Variants in THBS4 observed in about 807,000 individuals in gnomAD.
THBS4 encodes thrombospondin-4.
THBS4 carries 90 observed loss-of-function variants against 115.7 expected under a neutral mutation model. The ratio of observed to expected loss-of-function variants is 0.78; its 90% CI spans 0.66 to 0.93. The LOEUF is 0.93. THBS4 is among the 40% of genes least tolerant of loss of function. The probability of loss-of-function intolerance (pLI) is 0.00; values close to 1 mark genes in which losing one functional copy is unlikely to be tolerated. For missense variants in THBS4, 1,087 were observed against 1,232.7 expected, an observed-to-expected ratio of 0.88 and a Z score of 1.77; for synonymous variants, 460 against 479.3, an observed-to-expected ratio of 0.96 and a Z score of 0.53.
intron 20 of THBS4, chr5:80,080,291 T>C: frequency 3.5e-6 from 2 of 574,244 alleles, no homozygotes. Context: ...AGGACCAAGA[T>C]GGGGATAGAA....
chr5:80,071,322 A>G, intron 13 of THBS4, 142 bp downstream of exon 13: 1 of 1,421,466 alleles, frequency 7.0e-7, no homozygotes, highest in Non-Finnish European at 9.2e-7. Flanking sequence ...GGAAGACCCA[A>G]GGTGGACTTG....
chr5:80,001,749 A>G (rs1831902695), intron 2 of THBS4, among the ~76,000 whole-genome samples: 1 of 152,218 alleles, frequency 6.6e-6, no homozygotes, highest in Admixed American at 6.5e-5. Context: ...AGCGGTAGAT[A>G]ATGATGAGAA....
At chr5:80,056,055 C>T (rs1234742018) in intron 3 of THBS4, 23 bp downstream of exon 3, 1 of 1,573,310 alleles carries the variant, frequency 6.4e-7, no homozygotes, top group Non-Finnish European at 8.6e-7. Context: ...AAACCATTCT[C>T]TGAAGTGGAA....
intron 9 of THBS4, among the ~76,000 whole-genome samples, chr5:80,066,094 CAAAAAAAAAAAA>C (rs34135437): frequency 2.5e-5 from 2 of 80,702 alleles, no homozygotes; most frequent in African/African-American, 9.9e-5. Context: ...GACTCCCTCT[CAAAAAAAAAAAA>C]AAAAAAAAAC....
At chr5:80,043,297 G>T (rs1175218372) in intron 2 of THBS4, among the ~76,000 whole-genome samples, 1 of 152,182 alleles carries the variant, frequency 6.6e-6, no homozygotes, top group Non-Finnish European at 1.5e-5. Context: ...ACAATAAAAA[G>T]AAGTCACTGG....
At chr5:80,017,487 T>G (rs1386501715) in intron 2 of THBS4, among the ~76,000 whole-genome samples, 1 of 152,204 alleles carries the variant, frequency 6.6e-6, no homozygotes, top group Non-Finnish European at 1.5e-5. Context: ...AATCTAAGTT[T>G]AAATCTTTTT....
chr5:80,070,522 C>T, intron 11 of THBS4, 112 bp downstream of exon 11: 1 of 1,377,708 alleles, frequency 7.3e-7, no homozygotes, highest in Admixed American at 1.7e-5. Flanking sequence ...TGTAAAGTAG[C>T]TGCATCTCAG....
At chr5:80,013,386 A>C (rs752422569) in intron 2 of THBS4, among the ~76,000 whole-genome samples, 3 of 151,910 alleles carry the variant, frequency 2.0e-5, no homozygotes, top group Non-Finnish European at 4.4e-5. Context: ...TGATCTGCCT[A>C]CCTCAGCCTC....
intron 1 of THBS4, among the ~76,000 whole-genome samples, chr5:79,997,416 G>C (rs766383748): frequency 1.2e-4 from 18 of 151,836 alleles, no homozygotes; most frequent in Non-Finnish European, 2.6e-4. Flanking sequence ...ATATATGAAG[G>C]ACATTACATA....
At chr5:80,067,310 C>T (rs1833865810) in intron 9 of THBS4, 1 of 151,764 alleles carries the variant, frequency 6.6e-6, no homozygotes, top group Non-Finnish European at 1.5e-5. Flanking sequence ...GTCAATTATA[C>T]CTCAATAAAG....
intron 2 of THBS4, among the ~76,000 whole-genome samples, chr5:80,022,130 G>T (rs1444729972): frequency 2.0e-5 from 3 of 152,158 alleles, no homozygotes; most frequent in African/African-American, 7.2e-5. Flanking sequence ...TGATACAACA[G>T]AAGTTTAAGG....
intron 2 of THBS4, among the ~76,000 whole-genome samples, chr5:80,005,471 A>T (rs1308287136): frequency 6.6e-6 from 1 of 152,198 alleles, no homozygotes; most frequent in Non-Finnish European, 1.5e-5. Flanking sequence ...TTCACTTCTA[A>T]TGTATTTTAA....
chr5:80,041,252 T>C (rs1832892054), intron 2 of THBS4, among the ~76,000 whole-genome samples: 1 of 152,192 alleles, frequency 6.6e-6, no homozygotes, highest in Non-Finnish European at 1.5e-5. Flanking sequence ...AGCTCTCTTG[T>C]GTCTCTTCTT....
chr5:80,082,353 AC>A (rs1264664681), intron 20 of THBS4, 52 bp from the exon 21 acceptor site: 1 of 1,603,614 alleles, frequency 6.2e-7, no homozygotes, highest in African/African-American at 1.3e-5. Flanking sequence ...CACAGTGGGC[AC>A]TTTACCCCGG....
chr5:80,075,767 G>A (rs992230184), intron 15 of THBS4, among the ~76,000 whole-genome samples: 2 of 152,204 alleles, frequency 1.3e-5, no homozygotes, highest in Non-Finnish European at 2.9e-5. Context: ...GGCTGCTAAT[G>A]GAAATAGCTC....
chr5:80,027,137 A>G (rs1832492610), intron 2 of THBS4, among the ~76,000 whole-genome samples: 1 of 152,178 alleles, frequency 6.6e-6, no homozygotes, highest in Non-Finnish European at 1.5e-5. Flanking sequence ...CACCTCTTAT[A>G]ATAGTCTGAA....
At chr5:79,993,436 G>T (rs986885810) in intron 1 of THBS4, among the ~76,000 whole-genome samples, 8 of 152,152 alleles carry the variant, frequency 5.3e-5, no homozygotes, top group African/African-American at 9.7e-5. Flanking sequence ...GGTATGGTTA[G>T]TTGGCTCCTG....
intron 2 of THBS4, among the ~76,000 whole-genome samples, chr5:80,043,007 G>T (rs776319793): frequency 2.0e-5 from 3 of 151,926 alleles, no homozygotes; most frequent in African/African-American, 7.3e-5. Flanking sequence ...AAGATGAAAG[G>T]GTTGAGATGA....
rs1241010977 is a variant in THBS4, at chr5:80,035,417, C to T, written c.-121C>T. ...CCCCGACGGCAGCCCGGACGCCGAGCACGGGTCACCTGCGGCGCCGGCCCG... is the reference window on the plus strand; with the variant it reads ...CCCCGACGGCAGCCCGGACGCCGAGTACGGGTCACCTGCGGCGCCGGCCCG... On this transcript the variant is annotated 5_prime_UTR_variant, in exon 1 of 22. Coordinates refer to ENST00000350881, the MANE Select transcript of THBS4 (RefSeq NM_003248.6). This position sits in a 1 kb window ranked among gnomAD's most constrained non-coding sequence, Gnocchi z 4.6. The T allele has an allele frequency of 3.5e-5, 19 of 541,368 alleles. No homozygotes were observed. The Admixed American group carries it at 9.2e-4, about 26-fold the overall frequency. 33.5% of individuals were successfully genotyped at this position (541,368 alleles called of 1,614,324 possible).
Sources: gnomAD v4.1 joint callset for allele counts (sites outside exome capture counted in the v4.1 genomes callset) on GRCh38, gnomAD v4.1.1 for gene constraint, Gnocchi (gnomAD v3.1) non-coding constraint, MANE v1.5 for transcripts, NCBI Gene and HGNC (gene_info 2026-07-23, HGNC 2026-07-21) for gene names.